Variants in CALM3 observed in about 807,000 individuals in gnomAD.
The protein encoded by CALM3 is calmodulin-3.
Under a neutral mutation model 20.1 loss-of-function variants are expected in CALM3, and 5 were observed. The ratio of observed to expected loss-of-function variants is 0.25; its 90% confidence interval spans 0.13 to 0.52. The LOEUF (loss-of-function observed/expected upper bound fraction) is 0.52. Among genes scored for constraint, CALM3 ranks in the 20% least tolerant of loss-of-function variants. The probability of loss-of-function intolerance (pLI) is 0.96; values close to 1 mark genes in which losing one functional copy is unlikely to be tolerated. For missense variants in CALM3, 57 were observed against 192.8 expected (o/e 0.30, Z 4.17); for synonymous variants, 69 against 68.1 (o/e 1.01, Z -0.06).
Position 46,608,626 on chromosome 19 carries a change from G to A in CALM3, c.285+38G>A, listed in dbSNP as rs759077932. 61 of 1,531,594 alleles carry A rather than the reference G, an allele frequency of 4.0e-5. 1 individual carries two copies. Among genetic ancestry groups the A allele is most frequent in the South Asian group, 1.5e-4 (13 of 89,146 alleles). The allele number at this position is 1,531,594 out of a possible 1,614,324, so 94.9% of individuals were successfully genotyped here. Reference sequence around the variant, plus strand: ...CTCCAGGGGCGGCTCTGAGACTGACGCCAGCCTTCAGGCAGACAGGCGGAA... The same window carrying A: ...CTCCAGGGGCGGCTCTGAGACTGACACCAGCCTTCAGGCAGACAGGCGGAA... On this transcript the variant is annotated intron_variant, in intron 4 of 5. Transcript: ENST00000291295. The surrounding 1 kb of genome is among the most constrained non-coding windows in gnomAD (Gnocchi z 5.5).
chr19:46,608,191 C>T lies in CALM3; in HGVS notation c.35-6C>T. ...GACCTCTGACTCCTCCCCCTTCTTC[C>T]CCCAGAGTTCAAGGAGGCCTTCTCC... On this transcript the variant is annotated splice_region_variant and splice_polypyrimidine_tract_variant and intron_variant, in intron 2 of 5. Coordinates refer to ENST00000291295, the MANE Select transcript of CALM3 (RefSeq NM_005184.4). The surrounding 1 kb of genome is among the most constrained non-coding windows in gnomAD (Gnocchi z 5.5). 6.2e-7 allele frequency: 1 copy of T among 1,612,750 alleles called. No homozygotes were observed. The highest frequency in any genetic ancestry group is 8.5e-7 in the Non-Finnish European group (1 of 1,179,330).
chr19:46,603,045 A>G (rs1971667437), intron 1 of CALM3, among the ~76,000 whole-genome samples: 1 of 152,168 alleles, frequency 6.6e-6, no homozygotes, highest in Admixed American at 6.5e-5. Flanking sequence ...CAGGGCTTTG[A>G]GAGAAAACCA....
At chr19:46,603,907 CTTCA>C in intron 1 of CALM3, among the ~76,000 whole-genome samples, 1 of 152,168 alleles carries the variant, frequency 6.6e-6, no homozygotes, top group South Asian at 2.1e-4. Flanking sequence ...AAACGGTGGC[CTTCA>C]GAGCCGCTCG....
rs1313473026 is a variant in CALM3, at chr19:46,608,039, G to C, written c.35-158G>C. On this transcript the variant is annotated intron_variant, in intron 2 of 5. Coordinates refer to ENST00000291295, the MANE Select transcript of CALM3 (RefSeq NM_005184.4). The surrounding 1 kb of genome is among the most constrained non-coding windows in gnomAD (Gnocchi z 5.5). Reference sequence around the variant, plus strand: ...GGAAGGGCTTTGCCCTGAGCACTGAGGAGAGAGAGCTGGTTGCGTGGGACT... The same window carrying C: ...GGAAGGGCTTTGCCCTGAGCACTGACGAGAGAGAGCTGGTTGCGTGGGACT... 3.0e-6 allele frequency: 2 copies of C among 663,054 alleles called. No individual in the cohort carries two copies. Among genetic ancestry groups the C allele is most frequent in the African/African-American group, 3.6e-5 (2 of 55,450 alleles). 41.1% of individuals were successfully genotyped at this position (663,054 alleles called of 1,614,324 possible).
At chr19:46,607,971 A>G in intron 2 of CALM3, 1 of 516,692 alleles carries the variant, frequency 1.9e-6, no homozygotes, top group Non-Finnish European at 3.5e-6. Context: ...AAATAGCTTC[A>G]CCTAGCACAG....
At chr19:46,606,799 A>G (rs1426944740) in intron 2 of CALM3, among the ~76,000 whole-genome samples, 1 of 152,164 alleles carries the variant, frequency 6.6e-6, no homozygotes, top group Admixed American at 6.5e-5. Context: ...GCCCGAGGAC[A>G]GAGAGCAACT....
chr19:46,601,328 G>T, upstream of CALM3: 1 of 1,136,028 alleles, frequency 8.8e-7, no homozygotes. This position sits in a 1 kb window ranked among gnomAD's most constrained non-coding sequence, Gnocchi z 4.2. Context: ...CGCGCTGCGG[G>T]CAGTGAGTGT....
At position 46,605,753 on chromosome 19, in the gene CALM3, G is replaced by A. The variant is rs903290860; in HGVS notation, c.4-74G>A. On this transcript the variant is annotated intron_variant, in intron 1 of 5. Transcript: ENST00000291295. This position sits in a 1 kb window ranked among gnomAD's most constrained non-coding sequence, Gnocchi z 4.1. ...GGAGCTGGCCTCACTGGGGCCGAGG[G>A]TCTGGGCTGAGTGAGGAAGATGCGT... is the stretch of plus-strand genomic sequence containing the variant. 16 of 1,492,554 alleles carry A rather than the reference G, an allele frequency of 1.1e-5. No homozygotes were observed. Among genetic ancestry groups the A allele is most frequent in the Non-Finnish European group, 1.5e-5 (16 of 1,070,376 alleles). The allele number at this position is 1,492,554 out of a possible 1,614,324, so 92.5% of individuals were successfully genotyped here. A position where few individuals can be genotyped will look rare whatever the true frequency, so the allele number is the denominator to read the frequency against.
chr19:46,607,571 C>T (rs1483967689), intron 2 of CALM3, among the ~76,000 whole-genome samples: 2 of 152,216 alleles, frequency 1.3e-5, no homozygotes, highest in African/African-American at 4.8e-5. Flanking sequence ...CCCTCGCTTT[C>T]CATCCCCCCA....
intron 1 of CALM3, among the ~76,000 whole-genome samples, chr19:46,603,020 G>A (rs928328747): frequency 3.3e-5 from 5 of 152,218 alleles, no homozygotes; most frequent in Admixed American, 6.5e-5. Context: ...CTCGCTGAGC[G>A]TGTCTGTTAA....
chr19:46,604,287 T>A (rs937596630), intron 1 of CALM3, among the ~76,000 whole-genome samples: 3 of 152,008 alleles, frequency 2.0e-5, no homozygotes, highest in Admixed American at 1.3e-4. Context: ...GGCAGGTGGA[T>A]CAAGAGGCTC....
chr19:46,605,742 TG>T lies in CALM3; in HGVS notation c.4-81del. 1 of 1,412,432 alleles carries T rather than the reference TG, an allele frequency of 7.1e-7. No homozygotes were observed. 87.5% of individuals were successfully genotyped at this position (1,412,432 alleles called of 1,614,324 possible). ...GAATGGCACGTGGAGCTGGCCTCAC[TG>T]GGGCCGAGGGTCTGGGCTGAGTGAG... On this transcript the variant is annotated intron_variant, in intron 1 of 5. Coordinates refer to ENST00000291295, the MANE Select transcript of CALM3 (RefSeq NM_005184.4). The surrounding 1 kb of genome is among the most constrained non-coding windows in gnomAD (Gnocchi z 4.1).
chr19:46,610,094 T>C lies in CALM3; in HGVS notation c.*941T>C, dbSNP rs907830285. 6.6e-6 allele frequency: 1 copy of C among 152,584 alleles called. No homozygotes were observed. The highest frequency in any genetic ancestry group is 1.5e-5 in the Non-Finnish European group (1 of 68,060). 9.5% of individuals were successfully genotyped at this position (152,584 alleles called of 1,614,324 possible). On this transcript the variant is annotated 3_prime_UTR_variant, in exon 6 of 6. Coordinates refer to ENST00000291295, the MANE Select transcript of CALM3 (RefSeq NM_005184.4). Reference sequence around the variant, plus strand: ...AAGACTTTCATTTTGTTCAGAACCATGCTGGGCTAGCTAAAGGGTGGGGAG... The same window carrying C: ...AAGACTTTCATTTTGTTCAGAACCACGCTGGGCTAGCTAAAGGGTGGGGAG...
At chr19:46,604,205 C>T (rs922438150) in intron 1 of CALM3, among the ~76,000 whole-genome samples, 6 of 152,164 alleles carry the variant, frequency 3.9e-5, no homozygotes, top group African/African-American at 7.2e-5. Flanking sequence ...CTCACTTTCC[C>T]TAAGCCTCTT....
At chr19:46,606,058 G>T (rs1335492646) in intron 2 of CALM3, 3 of 561,874 alleles carry the variant, frequency 5.3e-6, no homozygotes, top group Non-Finnish European at 9.6e-6. Context: ...ATGGCCCTGA[G>T]ACAGGCCTTT....
intron 1 of CALM3, among the ~76,000 whole-genome samples, chr19:46,604,547 G>GTTTT (rs34621966): frequency 1.5e-5 from 2 of 133,846 alleles, no homozygotes; most frequent in African/African-American, 2.9e-5. Flanking sequence ...CTTCCGTTAG[G>GTTTT]TTTTTTTTTT....
chr19:46,601,846 G>C lies in CALM3; in HGVS notation c.3+409G>C, dbSNP rs1346033655. Among the ~76,000 whole-genome samples the C allele has an allele frequency of 6.6e-6, 1 of 152,052 alleles. No individual in the cohort carries two copies. Among genetic ancestry groups the C allele is most frequent in the Admixed American group, 6.6e-5 (1 of 15,260 alleles). Reference sequence around the variant, plus strand: ...TGGGCTGGGGAGGGGAGCTATTCGGGCCCTGATGAAGGCGTTTGGTCCTGA... The same window carrying C: ...TGGGCTGGGGAGGGGAGCTATTCGGCCCCTGATGAAGGCGTTTGGTCCTGA... On this transcript the variant is annotated intron_variant, in intron 1 of 5. Coordinates refer to ENST00000291295, the MANE Select transcript of CALM3 (RefSeq NM_005184.4). This position sits in a 1 kb window ranked among gnomAD's most constrained non-coding sequence, Gnocchi z 4.2.
In CALM3 at chr19:46,605,900, A is replaced by C. The variant is rs1193286047; in HGVS notation, c.34+43A>C. 2 of 1,597,950 alleles carry C rather than the reference A, an allele frequency of 1.3e-6. No homozygotes were observed. The highest frequency in any genetic ancestry group is 1.7e-6 in the Non-Finnish European group (2 of 1,165,516). ...CTCATCTTAGCTCAGGAAAGCCTCC[A>C]CATCCCCAGCCAAATCTTAGCCACT... On this transcript the variant is annotated intron_variant, in intron 2 of 5. Transcript: ENST00000291295. This position sits in a 1 kb window ranked among gnomAD's most constrained non-coding sequence, Gnocchi z 4.1.
chr19:46,606,318 G>T, intron 2 of CALM3: 1 of 159,970 alleles, frequency 6.3e-6, no homozygotes, highest in Non-Finnish European at 1.4e-5. Flanking sequence ...GCCTGCGCCT[G>T]CCTGTTCTGC....
Sources: gnomAD v4.1 joint callset for allele counts (sites outside exome capture counted in the v4.1 genomes callset) on GRCh38, gnomAD v4.1.1 for gene constraint, Gnocchi (gnomAD v3.1) non-coding constraint, MANE v1.5 for transcripts, NCBI Gene and HGNC (gene_info 2026-07-23, HGNC 2026-07-21) for gene names.